PRMT3: variants seen among roughly 807,000 people sequenced by gnomAD.
PRMT3 encodes protein arginine methyltransferase 3, also known as protein arginine N-methyltransferase 3.
PRMT3 carries 62 observed loss-of-function variants against 71.9 expected under a neutral mutation model. The observed-to-expected ratio is 0.86, with a 90% CI of 0.70 to 1.07. The LOEUF is 1.07. PRMT3 is among the 50% of genes least tolerant of loss of function. PRMT3 has a pLI of 0.00. For missense variants in PRMT3, 663 were observed against 643.0 expected, an observed-to-expected ratio of 1.03 and a Z score of -0.34; for synonymous variants, 213 against 220.4, an observed-to-expected ratio of 0.97 and a Z score of 0.30.
At chr11:20,465,514 ATATAT>A (rs1450131451) in intron 13 of PRMT3, among the ~76,000 whole-genome samples, 3 of 151,958 alleles carry the variant, frequency 2.0e-5, no homozygotes, top group Admixed American at 1.3e-4. Context: ...GTTCAGATCG[ATATAT>A]TATACACAAG....
At chr11:20,500,509 T>C (rs1851432972) in intron 15 of PRMT3, among the ~76,000 whole-genome samples, 1 of 152,214 alleles carries the variant, frequency 6.6e-6, no homozygotes, top group South Asian at 2.1e-4. Context: ...AAAGGTTATA[T>C]TAATCTAGGC....
At chr11:20,435,832 G>A (rs1440857968) in intron 10 of PRMT3, among the ~76,000 whole-genome samples, 4 of 152,108 alleles carry the variant, frequency 2.6e-5, no homozygotes, top group Admixed American at 2.6e-4. Context: ...GTGGTTTCAT[G>A]CAAGTTTTAG....
rs573045788 is a variant in PRMT3 at position 20,487,619 on chromosome 11, G to A, written c.1348-6300G>A. Among the ~76,000 whole-genome samples the A allele has an allele frequency of 4.7e-4, 71 of 152,288 alleles. 1 individual carries two copies. The highest frequency in any genetic ancestry group is 2.4e-3 in the Admixed American group (36 of 15,288). ...TGGGTTTCACAGCTGTATTCAGTTTGAAAATTCAGCATGATGTACACTTAT... is the reference window on the plus strand; with the variant it reads ...TGGGTTTCACAGCTGTATTCAGTTTAAAAATTCAGCATGATGTACACTTAT... On this transcript the variant is annotated intron_variant, in intron 13 of 15. Transcript: ENST00000331079.
chr11:20,504,749 A>AGAGAGAGAGC, intron 15 of PRMT3, among the ~76,000 whole-genome samples: 1 of 150,788 alleles, frequency 6.6e-6, no homozygotes, highest in Admixed American at 6.6e-5. Context: ...AGAGAGAGCG[A>AGAGAGAGAGC]GAGCGACTGA....
At chr11:20,500,880 C>T (rs569456436) in intron 15 of PRMT3, among the ~76,000 whole-genome samples, 1 of 152,132 alleles carries the variant, frequency 6.6e-6, no homozygotes, top group Non-Finnish European at 1.5e-5. Context: ...TAGTTTTAAA[C>T]TTCTCACTGG....
At chr11:20,419,079 T>C (rs986535910) in intron 9 of PRMT3, among the ~76,000 whole-genome samples, 3 of 152,232 alleles carry the variant, frequency 2.0e-5, no homozygotes, top group Non-Finnish European at 4.4e-5. Context: ...GGTATACATA[T>C]CTTCAAATTT....
At chr11:20,395,668 C>A in intron 5 of PRMT3, 135 bp from the exon 6 acceptor site, 1 of 842,108 alleles carries the variant, frequency 1.2e-6, no homozygotes, top group Non-Finnish European at 1.8e-6. Flanking sequence ...GATTAATATT[C>A]AATTAAAAGT....
chr11:20,474,965 G>A (rs561103184), intron 13 of PRMT3, among the ~76,000 whole-genome samples: 1 of 152,316 alleles, frequency 6.6e-6, no homozygotes, highest in South Asian at 2.1e-4. Flanking sequence ...GAAAGCAATG[G>A]AAGGACAAAG....
At chr11:20,390,044 A>G (rs1848679587) in intron 3 of PRMT3, among the ~76,000 whole-genome samples, 1 of 152,118 alleles carries the variant, frequency 6.6e-6, no homozygotes, top group Non-Finnish European at 1.5e-5. Context: ...GCAGCTGCTC[A>G]GAAGACTGAG....
intron 11 of PRMT3, among the ~76,000 whole-genome samples, chr11:20,455,022 C>T (rs1341046030): frequency 6.6e-6 from 1 of 152,040 alleles, no homozygotes; most frequent in East Asian, 1.9e-4. Context: ...GGTTTACTAG[C>T]AACGATTTCT....
intron 2 of PRMT3, among the ~76,000 whole-genome samples, chr11:20,388,432 T>C (rs147251612): frequency 6.6e-6 from 1 of 152,326 alleles, no homozygotes; most frequent in East Asian, 1.9e-4. Context: ...GAAAACAAAA[T>C]GATACTGAAC....
chr11:20,420,661 G>A (rs1254773503), intron 9 of PRMT3, among the ~76,000 whole-genome samples: 5 of 152,130 alleles, frequency 3.3e-5, no homozygotes, highest in Non-Finnish European at 7.4e-5. Flanking sequence ...CCCACCCCCA[G>A]GTCCATGGAA....
intron 10 of PRMT3, among the ~76,000 whole-genome samples, chr11:20,429,474 A>G (rs1331089972): frequency 6.6e-6 from 1 of 152,220 alleles, no homozygotes; most frequent in Non-Finnish European, 1.5e-5. Flanking sequence ...AACACCTTTC[A>G]CTTCAGAGCG....
intron 13 of PRMT3, among the ~76,000 whole-genome samples, chr11:20,490,409 G>A (rs538169754): frequency 6.6e-6 from 1 of 152,174 alleles, no homozygotes; most frequent in East Asian, 1.9e-4. Flanking sequence ...GAACTTCCCA[G>A]TATTTCTTTC....
At chr11:20,391,295 G>T (rs903795118) in intron 3 of PRMT3, among the ~76,000 whole-genome samples, 2 of 151,814 alleles carry the variant, frequency 1.3e-5, no homozygotes, top group African/African-American at 4.8e-5. Context: ...GCCCAGGCTG[G>T]AGTGCAATGG....
intron 9 of PRMT3, among the ~76,000 whole-genome samples, chr11:20,416,450 CT>C (rs985363934): frequency 5.9e-5 from 9 of 152,070 alleles, no homozygotes; most frequent in Admixed American, 5.9e-4. Flanking sequence ...AGGAATTTTT[CT>C]TTTTTTCATT....
Position 20,452,194 on chromosome 11 carries a change from C to A in PRMT3, c.1058C>A (p.Ala353Glu). The stretch of plus-strand genomic sequence containing the variant: ...CTTTATGCAAAGAACAAATACTTGG[C>A]AAAAGGAGGCTCGGGTGAGTATAAA... ...SVLYAKNKYL[A>E]KGGSVYPDIC... is the part of the protein sequence containing the mutation. The change falls in exon 11 of 16, where the codon GCA becomes GAA. Residue 353 changes from alanine (A) to glutamate (E), a missense_variant. Ala to Glu is a moderately radical substitution (Grantham distance 107). Transcript: ENST00000331079. 1.2e-6 allele frequency: 2 copies of A among 1,605,914 alleles called. No individual in the cohort carries two copies. Among genetic ancestry groups the A allele is most frequent in the South Asian group, 1.1e-5 (1 of 90,826 alleles).
At chr11:20,426,684 G>A (rs950815478) in intron 9 of PRMT3, 82 bp from the exon 10 acceptor site, 19 of 1,280,896 alleles carry the variant, frequency 1.5e-5, no homozygotes, top group African/African-American at 7.8e-5. Context: ...AAAACAATAC[G>A]AGTTGTTGGC....
chr11:20,488,156 G>T, intron 13 of PRMT3, among the ~76,000 whole-genome samples: 1 of 150,638 alleles, frequency 6.6e-6, no homozygotes, highest in South Asian at 2.1e-4. Flanking sequence ...AATTGAAAAA[G>T]AAAGAGTCCG....
Sources: gnomAD v4.1 joint callset for allele counts (sites outside exome capture counted in the v4.1 genomes callset) on GRCh38, gnomAD v4.1.1 for gene constraint, MANE v1.5 for transcripts, NCBI Gene and HGNC (gene_info 2026-07-23, HGNC 2026-07-21) for gene names.